Variants in PRKN observed in about 807,000 individuals in gnomAD.
PRKN encodes parkin RBR E3 ubiquitin protein ligase, also known as E3 ubiquitin-protein ligase parkin.
PRKN carries 56 observed loss-of-function variants against 59.5 expected under a neutral mutation model. That is an observed-to-expected ratio of 0.94 (90% CI 0.76 to 1.18). PRKN has a LOEUF of 1.18. Among genes scored for constraint, PRKN ranks in the 50% most tolerant of loss-of-function variants. The probability of loss-of-function intolerance (pLI) is 0.00; values close to 1 mark genes in which losing one functional copy is unlikely to be tolerated. For missense variants in PRKN, 657 were observed against 596.4 expected (o/e 1.10, Z -1.06); for synonymous variants, 250 against 222.1 (o/e 1.13, Z -1.12).
chr6:161,985,326 C>A (rs1445800086), intron 5 of PRKN, among the ~76,000 whole-genome samples: 2 of 152,176 alleles, frequency 1.3e-5, no homozygotes, highest in African/African-American at 4.8e-5. Context: ...CATGTTTAGG[C>A]CAAGCTTTCC....
intron 4 of PRKN, among the ~76,000 whole-genome samples, chr6:162,085,613 C>T (rs1428338298): frequency 2.6e-5 from 4 of 151,972 alleles, no homozygotes; most frequent in African/African-American, 9.7e-5. Flanking sequence ...ATTTTGTTTC[C>T]AACTTGGTAT....
intron 6 of PRKN, among the ~76,000 whole-genome samples, chr6:161,885,270 G>A (rs962880246): frequency 6.6e-6 from 1 of 152,076 alleles, no homozygotes; most frequent in East Asian, 1.9e-4. Flanking sequence ...GAACATCAGC[G>A]TATGGGAAGT....
intron 2 of PRKN, among the ~76,000 whole-genome samples, chr6:162,316,852 A>G (rs1782773948): frequency 6.6e-6 from 1 of 152,162 alleles, no homozygotes; most frequent in South Asian, 2.1e-4. Flanking sequence ...GTTGGCATAT[A>G]TTGCCTGTGC....
intron 4 of PRKN, among the ~76,000 whole-genome samples, chr6:162,079,771 C>T (rs954391749): frequency 6.6e-6 from 1 of 152,072 alleles, no homozygotes; most frequent in Non-Finnish European, 1.5e-5. Context: ...TTTGAATCTT[C>T]CTGGAAACTT....
chr6:161,649,684 A>T (rs1784081964), intron 7 of PRKN, among the ~76,000 whole-genome samples: 1 of 152,230 alleles, frequency 6.6e-6, no homozygotes, highest in Non-Finnish European at 1.5e-5. Context: ...TAAATGACTA[A>T]AATGCCAGAC....
chr6:162,525,729 A>T (rs1011941078), intron 1 of PRKN, among the ~76,000 whole-genome samples: 1 of 152,196 alleles, frequency 6.6e-6, no homozygotes, highest in Non-Finnish European at 1.5e-5. Flanking sequence ...AGTAATGCTT[A>T]AAAAAATCTG....
At chr6:161,648,490 C>T (rs1228865176) in intron 7 of PRKN, among the ~76,000 whole-genome samples, 1 of 152,146 alleles carries the variant, frequency 6.6e-6, no homozygotes, top group East Asian at 1.9e-4. Flanking sequence ...GACTTTCCTG[C>T]AACTGTCCAT....
intron 6 of PRKN, among the ~76,000 whole-genome samples, chr6:161,850,574 C>CCAAAA (rs1793387402): frequency 1.1e-5 from 1 of 88,278 alleles, no homozygotes; most frequent in African/African-American, 4.6e-5. Flanking sequence ...GACTACGTCT[C>CCAAAA]AAAAAAAAAA....
intron 7 of PRKN, among the ~76,000 whole-genome samples, chr6:161,703,865 TTTTTTTTTTTTA>T (rs1231000143): frequency 9.4e-5 from 5 of 53,362 alleles, no homozygotes; most frequent in African/African-American, 2.4e-4. Context: ...TTTTTTTTTT[TTTTTTTTTTTTA>T]CAGAGTCTTG....
intron 7 of PRKN, among the ~76,000 whole-genome samples, chr6:161,675,338 C>T (rs1347070608): frequency 3.9e-5 from 6 of 152,064 alleles, no homozygotes; most frequent in African/African-American, 1.2e-4. Flanking sequence ...TGTCTGAGTG[C>T]CCAGTACTAG....
rs1028328147 is a variant in PRKN at position 161,373,087 on chromosome 6, G to T, written c.1168-12882C>A. On this transcript the variant is annotated intron_variant, in intron 10 of 11. Coordinates refer to ENST00000366898, the MANE Select transcript of PRKN (RefSeq NM_004562.3). This position sits in a 1 kb window ranked among gnomAD's most constrained non-coding sequence, Gnocchi z 4.8. ...TGGCCTCCCAAAGTGTGGGGCTGCCGGTGTGAACCACCACACTCGGTAGGG... is the reference window on the plus strand; with the variant it reads ...TGGCCTCCCAAAGTGTGGGGCTGCCTGTGTGAACCACCACACTCGGTAGGG... Among the ~76,000 whole-genome samples, 1 of 152,030 alleles carries T rather than the reference G, an allele frequency of 6.6e-6. No homozygotes were observed. Among genetic ancestry groups the T allele is most frequent in the Admixed American group, 6.6e-5 (1 of 15,266 alleles).
In PRKN at chr6:161,545,575, A is replaced by G. The variant is rs1245742877; in HGVS notation, c.1083+3279T>C. On this transcript the variant is annotated intron_variant, in intron 9 of 11. Transcript: ENST00000366898. The surrounding 1 kb of genome is among the most constrained non-coding windows in gnomAD (Gnocchi z 4.1). ...TTTCCATTACACTCCTTAAACCCAG[A>G]AAAGATGGGCAGCTTACAAGGTTAT... is the stretch of plus-strand genomic sequence containing the variant. 4.4e-6 allele frequency: 3 copies of G among 683,862 alleles called. No individual in the cohort carries two copies. In the African/African-American group the frequency reaches 5.4e-5, roughly 12 times the overall value. 42.4% of individuals were successfully genotyped at this position (683,862 alleles called of 1,614,324 possible). A position where few individuals can be genotyped will look rare whatever the true frequency, so the allele number is the denominator to read the frequency against.
intron 4 of PRKN, among the ~76,000 whole-genome samples, chr6:162,139,487 G>A (rs559447848): frequency 6.6e-6 from 1 of 152,252 alleles, no homozygotes; most frequent in African/African-American, 2.4e-5. Context: ...TTATGAGGAC[G>A]TCGGGTGTGG....
chr6:161,669,397 C>T (rs1303097377), intron 7 of PRKN, among the ~76,000 whole-genome samples: 1 of 152,196 alleles, frequency 6.6e-6, no homozygotes, highest in Non-Finnish European at 1.5e-5. Flanking sequence ...CAGGGGTCAG[C>T]CCCAGTCAGT....
In PRKN at chr6:161,848,126, T is replaced by C. The variant is rs1164921403; in HGVS notation, c.735-62218A>G. The stretch of plus-strand genomic sequence containing the variant: ...GTCAGGTACCGCCTCTTCAGGACTA[T>C]TCATTAGCATTTGTGAAAGTCAAGA... On this transcript the variant is annotated intron_variant, in intron 6 of 11. Coordinates refer to ENST00000366898, the MANE Select transcript of PRKN (RefSeq NM_004562.3). 2.6e-5 allele frequency among the ~76,000 whole-genome samples: 4 copies of C among 152,350 alleles called. No individual in the cohort carries two copies. In the East Asian group the frequency reaches 7.7e-4, roughly 29 times the overall value.
intron 1 of PRKN, among the ~76,000 whole-genome samples, chr6:162,630,158 C>T (rs1360945682): frequency 6.6e-6 from 1 of 152,048 alleles, no homozygotes; most frequent in Non-Finnish European, 1.5e-5. Flanking sequence ...ATTGATTTAC[C>T]ACCTTAGTCA....
chr6:162,435,301 CCA>C (rs1789716684), intron 2 of PRKN, among the ~76,000 whole-genome samples: 2 of 152,044 alleles, frequency 1.3e-5, no homozygotes, highest in African/African-American at 4.8e-5. Flanking sequence ...TTAAATGAAT[CCA>C]CAGACTATAT....
intron 6 of PRKN, among the ~76,000 whole-genome samples, chr6:161,943,133 A>C (rs746369983): frequency 1.3e-5 from 2 of 152,262 alleles, no homozygotes; most frequent in Non-Finnish European, 2.9e-5. Context: ...TAGGCTTATT[A>C]ACCTCAATAG....
chr6:162,188,145 G>A (rs1425512787), intron 4 of PRKN, among the ~76,000 whole-genome samples: 3 of 152,102 alleles, frequency 2.0e-5, no homozygotes, highest in Non-Finnish European at 2.9e-5. Context: ...CCTTCCACCA[G>A]AAGTGTGAGG....
Sources: gnomAD v4.1 joint callset for allele counts (sites outside exome capture counted in the v4.1 genomes callset) on GRCh38, gnomAD v4.1.1 for gene constraint, Gnocchi (gnomAD v3.1) non-coding constraint, MANE v1.5 for transcripts, NCBI Gene and HGNC (gene_info 2026-07-23, HGNC 2026-07-21) for gene names.